Variants in DEPTOR observed in about 807,000 individuals in gnomAD.
DEPTOR encodes DEP domain containing MTOR interacting protein.
Under a neutral mutation model 41.6 loss-of-function variants are expected in DEPTOR, and 41 were observed. That is an observed-to-expected ratio of 0.98 (90% CI 0.77 to 1.28). The LOEUF is 1.28. DEPTOR is among the 50% of genes most tolerant of loss of function. The pLI is 0.00. For synonymous variants in DEPTOR, 195 were observed against 192.3 expected (o/e 1.01, Z -0.12); for missense variants, 514 against 527.9 (o/e 0.97, Z 0.26).
intron 8 of DEPTOR, among the ~76,000 whole-genome samples, chr8:120,045,449 C>T (rs372844031): frequency 7.4e-4 from 113 of 152,300 alleles, no homozygotes; most frequent in African/African-American, 2.3e-3. Context: ...TGGTTCACTG[C>T]AGCTTCAACC....
intron 1 of DEPTOR, among the ~76,000 whole-genome samples, chr8:119,891,810 A>G (rs1271728721): frequency 1.3e-5 from 2 of 152,210 alleles, no homozygotes; most frequent in Non-Finnish European, 2.9e-5. Flanking sequence ...AAAGCTGTAT[A>G]AAAGTCATCT....
chr8:119,902,383 A>G (rs890781742), intron 1 of DEPTOR, among the ~76,000 whole-genome samples: 3 of 152,010 alleles, frequency 2.0e-5, no homozygotes, highest in Non-Finnish European at 4.4e-5. Flanking sequence ...TGTCTCACCC[A>G]AGCTGGAGTG....
intron 8 of DEPTOR, among the ~76,000 whole-genome samples, chr8:120,025,681 C>T (rs536595706): frequency 6.6e-6 from 1 of 152,222 alleles, no homozygotes; most frequent in African/African-American, 2.4e-5. Context: ...TTCCAGAATG[C>T]TTCTCGAATG....
In DEPTOR at chr8:120,001,540, C is replaced by T. The variant is rs754953491; in HGVS notation, c.620C>T (p.Pro207Leu). ...TTCTCCCCAGTGTCCAACAAGCACC[C>T]ATTTGTGGACAGCAATCTTCTCTAC... ...GIIQHVSNKH[P>L]FVDSNLLYQF... Residue 207 changes from proline (P) to leucine (L), a missense_variant, in exon 5 of 9, where the codon CCA becomes CTA. By Grantham distance (98) the Pro-to-Leu change is moderately conservative (BLOSUM62 -3). Transcript: ENST00000286234. 6.2e-7 allele frequency: 1 copy of T among 1,611,756 alleles called. No individual in the cohort carries two copies. The highest frequency in any genetic ancestry group is 8.5e-7 in the Non-Finnish European group (1 of 1,178,794).
rs569026779 is a variant in DEPTOR at position 120,027,166 on chromosome 8, C to T, written c.1101+18033C>T. ...CCGGGAGACGGAGGTTGCGGTGAGC[C>T]GAGATTGTGCCATTGCACTCCAGCC... On this transcript the variant is annotated intron_variant, in intron 8 of 8. Coordinates refer to ENST00000286234, the MANE Select transcript of DEPTOR (RefSeq NM_022783.4). 1.2e-3 allele frequency among the ~76,000 whole-genome samples: 185 copies of T among 150,664 alleles called. 1 individual carries two copies. Among genetic ancestry groups the T allele is most frequent in the Middle Eastern group, 3.5e-3 (1 of 288 alleles).
intron 1 of DEPTOR, among the ~76,000 whole-genome samples, chr8:119,924,786 A>G (rs111455953): frequency 0.01 from 1,572 of 152,004 alleles, 8 homozygotes; most frequent in Non-Finnish European, 0.017. Context: ...GGTTTGTTAC[A>G]TGAATAAACT....
intron 1 of DEPTOR, among the ~76,000 whole-genome samples, chr8:119,899,542 G>A (rs1052893743): frequency 6.6e-6 from 1 of 152,184 alleles, no homozygotes; most frequent in Non-Finnish European, 1.5e-5. Flanking sequence ...AAAAATTTCA[G>A]TTAAATAAAG....
At chr8:119,892,698 G>A (rs1170501520) in intron 1 of DEPTOR, among the ~76,000 whole-genome samples, 1 of 152,074 alleles carries the variant, frequency 6.6e-6, no homozygotes, top group Admixed American at 6.5e-5. Flanking sequence ...CAACACATTT[G>A]TCTACATGTT....
Position 119,995,402 on chromosome 8 carries a change from A to G in DEPTOR, c.605-6123A>G, listed in dbSNP as rs370477409. Among the ~76,000 whole-genome samples, 17 of 152,234 alleles carry G rather than the reference A, an allele frequency of 1.1e-4. No individual in the cohort carries two copies. In the East Asian group the frequency reaches 3.1e-3, roughly 28 times the overall value. On this transcript the variant is annotated intron_variant, in intron 4 of 8. Coordinates refer to ENST00000286234, the MANE Select transcript of DEPTOR (RefSeq NM_022783.4). The stretch of plus-strand genomic sequence containing the variant: ...GGAGTTCGAGACCAGCCTGGCCAAC[A>G]TGGTGAAACCCTGTCTCCACTAAAA...
At chr8:119,965,870 A>T (rs1168282551) in intron 4 of DEPTOR, among the ~76,000 whole-genome samples, 1 of 152,212 alleles carries the variant, frequency 6.6e-6, no homozygotes, top group Admixed American at 6.6e-5. Context: ...AGTTAAGCCA[A>T]AGAGCCTTCA....
intron 8 of DEPTOR, among the ~76,000 whole-genome samples, chr8:120,022,157 TAAAAAAAAAA>T (rs34125548): frequency 2.1e-5 from 2 of 93,726 alleles, no homozygotes; most frequent in African/African-American, 7.9e-5. Flanking sequence ...GACCCCATCT[TAAAAAAAAAA>T]AAAAAAAAAA....
At chr8:119,964,548 A>AT (rs753731715) in intron 3 of DEPTOR, among the ~76,000 whole-genome samples, 31 of 140,886 alleles carry the variant, frequency 2.2e-4, no homozygotes, top group African/African-American at 4.0e-4. Context: ...AAAAAAAAAA[A>AT]TTAGTGAGGA....
intron 8 of DEPTOR, among the ~76,000 whole-genome samples, chr8:120,045,339 G>T (rs537379460): frequency 3.3e-5 from 5 of 152,250 alleles, no homozygotes; most frequent in African/African-American, 1.2e-4. Flanking sequence ...AACAAGAAAT[G>T]ACCTTTTTCT....
intron 3 of DEPTOR, among the ~76,000 whole-genome samples, chr8:119,934,092 G>T (rs894745541): frequency 6.6e-6 from 1 of 152,092 alleles, no homozygotes; most frequent in African/African-American, 2.4e-5. Flanking sequence ...TGTTGGCCAG[G>T]CTGATCTCAA....
At chr8:119,931,198 G>A (rs907518332) in intron 3 of DEPTOR, among the ~76,000 whole-genome samples, 2 of 151,978 alleles carry the variant, frequency 1.3e-5, no homozygotes, top group African/African-American at 2.4e-5. Context: ...GTGACAGAGT[G>A]AGACATCATC....
rs1011320411 is a variant in DEPTOR, at chr8:119,974,784, T to TG, written c.604+9381dup. ...AAGACTCTGCCTCAAAAAAAAAAGG[T>TG]GGGGGGGTGGGTAGTTCAGACTTCA... is the stretch of plus-strand genomic sequence containing the variant. On this transcript the variant is annotated intron_variant, in intron 4 of 8. Transcript: ENST00000286234. Among the ~76,000 whole-genome samples the TG allele has an allele frequency of 1.1e-3, 166 of 147,092 alleles. 2 individuals are homozygous for TG. The highest frequency in any genetic ancestry group is 0.011 in the Middle Eastern group (3 of 284).
chr8:119,879,812 C>A (rs1347326151), intron 1 of DEPTOR, among the ~76,000 whole-genome samples: 1 of 152,036 alleles, frequency 6.6e-6, no homozygotes, highest in Non-Finnish European at 1.5e-5. Flanking sequence ...GAGTTCAAGA[C>A]CAGCCTGACC....
intron 1 of DEPTOR, among the ~76,000 whole-genome samples, chr8:119,923,842 A>C (rs1277886372): frequency 6.7e-6 from 1 of 148,698 alleles, no homozygotes; most frequent in Admixed American, 6.6e-5. Context: ...TATCTACTGA[A>C]TGCTCTCTTT....
At chr8:119,914,720 G>A (rs568683672) in intron 1 of DEPTOR, among the ~76,000 whole-genome samples, 9 of 152,306 alleles carry the variant, frequency 5.9e-5, no homozygotes, top group South Asian at 2.1e-4. Context: ...GATGACAGGC[G>A]TGAGCTTGCC....
Sources: allele counts gnomAD v4.1 joint callset (sites outside exome capture counted in the v4.1 genomes callset), GRCh38; gene constraint gnomAD v4.1.1; transcripts MANE v1.5; gene names NCBI Gene and HGNC (gene_info 2026-07-23, HGNC 2026-07-21).